The following FECH variants were observed in gnomAD, a reference collection of about 807,000 sequenced individuals.
FECH encodes the protein ferrochelatase, mitochondrial.
A neutral mutation model predicts 56.9 loss-of-function variants in FECH; 40 were observed. That is an observed-to-expected ratio of 0.70 (90% confidence interval 0.55 to 0.92). FECH has a LOEUF of 0.92. FECH is among the 40% of genes least tolerant of loss of function. FECH has a pLI of 0.00. For synonymous variants in FECH, 175 were observed against 198.6 expected, an observed-to-expected ratio of 0.88 and a Z score of 1.00; for missense variants, 431 against 529.1, an observed-to-expected ratio of 0.81 and a Z score of 1.82.
chr18:57,550,618 C>G lies in FECH; in HGVS notation c.*94G>C. The G allele has an allele frequency of 5.9e-6, 9 of 1,532,088 alleles. No homozygotes were observed. The highest frequency in any genetic ancestry group is 8.1e-6 in the Non-Finnish European group (9 of 1,112,680). The allele number at this position is 1,532,088 out of a possible 1,614,324, so 94.9% of individuals were successfully genotyped here. A position where few individuals can be genotyped will look rare whatever the true frequency, so the allele number is the denominator to read the frequency against. ...CTGTATATATATCAAGGAAGGATGA[C>G]TTCCTTCCTTGATCTCTAAATAACA... is the stretch of plus-strand genomic sequence containing the variant. On this transcript the variant is annotated 3_prime_UTR_variant, in exon 11 of 11. Coordinates refer to ENST00000262093, the MANE Select transcript of FECH (RefSeq NM_000140.5).
intron 9 of FECH, among the ~76,000 whole-genome samples, chr18:57,553,630 G>T (rs1236636165): frequency 2.0e-5 from 3 of 152,176 alleles, no homozygotes; most frequent in African/African-American, 7.2e-5. Flanking sequence ...TCTCCTCCCT[G>T]AATGACAATT....
chr18:57,551,565 T>C (rs958026730), intron 9 of FECH, among the ~76,000 whole-genome samples, 191 bp from the exon 10 acceptor site: 1 of 152,260 alleles, frequency 6.6e-6, no homozygotes, highest in Non-Finnish European at 1.5e-5. Flanking sequence ...GATTCTGTTA[T>C]CATAAATTAT....
rs1456645916 is a variant in FECH at position 57,544,591 on chromosome 18, G to A, written c.*6121C>T. Among the ~76,000 whole-genome samples the A allele has an allele frequency of 6.6e-6, 1 of 152,144 alleles. No homozygotes were observed. The highest frequency in any genetic ancestry group is 1.5e-5 in the Non-Finnish European group (1 of 68,032). ...TCAACAAGTATAGTTCACACATATC[G>A]ACATTTTGTTTACATTCATGAGCAA... On this transcript the variant is annotated 3_prime_UTR_variant, in exon 11 of 11. Transcript: ENST00000262093.
intron 1 of FECH, among the ~76,000 whole-genome samples, chr18:57,586,181 C>A (rs1408251799): frequency 6.6e-6 from 1 of 152,216 alleles, no homozygotes; most frequent in East Asian, 1.9e-4. Context: ...GATGAAGATG[C>A]CTTCCTTACT....
At chr18:57,551,122 G>T in intron 10 of FECH, 193 bp downstream of exon 10, 1 of 641,270 alleles carries the variant, frequency 1.6e-6, no homozygotes, top group Non-Finnish European at 2.7e-6. Flanking sequence ...ATAGTTATAG[G>T]TGGGTAGAAA....
At chr18:57,571,614 A>C in intron 3 of FECH, 74 bp from the exon 4 acceptor site, 1 of 1,610,068 alleles carries the variant, frequency 6.2e-7, no homozygotes, top group Non-Finnish European at 8.5e-7. Context: ...CTACTCAATA[A>C]AAAAGAAAAA....
At chr18:57,554,723 G>T in intron 8 of FECH, 122 bp downstream of exon 8, 1 of 824,624 alleles carries the variant, frequency 1.2e-6, no homozygotes, top group Non-Finnish European at 2.1e-6. Flanking sequence ...TCTGCCCATG[G>T]TGAGCAATCA....
At chr18:57,583,715 C>T (rs537903902) in intron 1 of FECH, among the ~76,000 whole-genome samples, 1 of 152,318 alleles carries the variant, frequency 6.6e-6, no homozygotes, top group East Asian at 1.9e-4. Flanking sequence ...AATTCCAGCA[C>T]TTTGGGAGGC....
At chr18:57,582,911 C>CAA (rs1219189568) in intron 1 of FECH, among the ~76,000 whole-genome samples, 1 of 133,428 alleles carries the variant, frequency 7.5e-6, no homozygotes, top group African/African-American at 2.8e-5. Context: ...GACTCCATCT[C>CAA]AAAAAAAAAA....
At chr18:57,573,603 C>T (rs1016777019) in intron 2 of FECH, among the ~76,000 whole-genome samples, 1 of 152,198 alleles carries the variant, frequency 6.6e-6, no homozygotes, top group Non-Finnish European at 1.5e-5. Context: ...AGTCTTCACT[C>T]CGCTAGAAAT....
In FECH at chr18:57,580,084, T is replaced by G; in HGVS notation, c.183A>C (p.Gln61His). 6 of 1,614,126 alleles carry G rather than the reference T, an allele frequency of 3.7e-6. No individual in the cohort carries two copies. The highest frequency in any genetic ancestry group is 5.1e-6 in the Non-Finnish European group (6 of 1,180,036). The change falls in exon 2 of 11, where the codon CAA becomes CAC. Residue 61 changes from glutamine to histidine, a missense_variant. Physicochemically the swap from Gln to His is conservative, Grantham distance 24. Transcript: ENST00000262093. ...TGTTAGACTCATACCTCTTCTGCGG[T>G]TGAACTTGAGGTTTTGCACCCTGGG... ...QHAQGAKPQV[Q>H]PQKRKPKTGI...
rs751670563 is a variant in FECH, at chr18:57,586,546, C to A, written c.67+8G>T. ...GGCCCTGGCGGCCGCCGCGACAGACCCACTTACGCGGATCGCGGAGCAGGA... is the reference window on the plus strand; with the variant it reads ...GGCCCTGGCGGCCGCCGCGACAGACACACTTACGCGGATCGCGGAGCAGGA... On this transcript the variant is annotated splice_region_variant and intron_variant, in intron 1 of 10. Coordinates refer to ENST00000262093, the MANE Select transcript of FECH (RefSeq NM_000140.5). 60 of 1,520,694 alleles carry A rather than the reference C, an allele frequency of 3.9e-5. No homozygotes were observed. The highest frequency in any genetic ancestry group is 5.2e-5 in the Non-Finnish European group (59 of 1,140,608). The allele number at this position is 1,520,694 out of a possible 1,614,324, so 94.2% of individuals were successfully genotyped here. A position where few individuals can be genotyped will look rare whatever the true frequency, so the allele number is the denominator to read the frequency against.
chr18:57,544,457 C>T lies in FECH; in HGVS notation c.*6255G>A, dbSNP rs1053736792. ...ACAATTTACAAATAATAATAAAATA[C>T]ACAATACACTTTCCTACAAATTCCA... On this transcript the variant is annotated 3_prime_UTR_variant, in exon 11 of 11. Coordinates refer to ENST00000262093, the MANE Select transcript of FECH (RefSeq NM_000140.5). Among the ~76,000 whole-genome samples, 1 of 152,172 alleles carries T rather than the reference C, an allele frequency of 6.6e-6. No homozygotes were observed. The highest frequency in any genetic ancestry group is 2.4e-5 in the African/African-American group (1 of 41,450).
chr18:57,570,532 C>T (rs1279992733), intron 4 of FECH, among the ~76,000 whole-genome samples: 2 of 152,224 alleles, frequency 1.3e-5, no homozygotes, highest in African/African-American at 4.8e-5. Flanking sequence ...CCTAGTGGAG[C>T]TGTTCTCCCT....
intron 10 of FECH, 112 bp from the exon 11 acceptor site, chr18:57,550,958 T>A (rs1236469948): frequency 1.3e-5 from 19 of 1,423,102 alleles, no homozygotes; most frequent in African/African-American, 4.2e-5. Context: ...TTTCTTTTCA[T>A]CCGAGTGGTG....
intron 1 of FECH, among the ~76,000 whole-genome samples, chr18:57,581,712 G>C (rs2051280450): frequency 6.6e-6 from 1 of 152,196 alleles, no homozygotes; most frequent in African/African-American, 2.4e-5. Flanking sequence ...AAGGAGTAGA[G>C]CAGAGGAGTG....
intron 5 of FECH, among the ~76,000 whole-genome samples, chr18:57,563,633 G>A (rs2050977335): frequency 1.4e-5 from 2 of 143,940 alleles, no homozygotes; most frequent in African/African-American, 2.6e-5. Context: ...AGTTACAAAG[G>A]TTATCAATCC....
rs889626551 is a variant in FECH, at chr18:57,545,351, G to C, written c.*5361C>G. Among the ~76,000 whole-genome samples, 1 of 152,198 alleles carries C rather than the reference G, an allele frequency of 6.6e-6. No homozygotes were observed. The highest frequency in any genetic ancestry group is 2.4e-5 in the African/African-American group (1 of 41,428). ...CTAAAAATGGAAGCTAATGATTCCA[G>C]CTAAAAACAACGAAGCCGGTACTAT... On this transcript the variant is annotated 3_prime_UTR_variant, in exon 11 of 11. Transcript: ENST00000262093.
intron 6 of FECH, 91 bp from the exon 7 acceptor site, chr18:57,559,334 A>C (rs2050910973): frequency 1.1e-6 from 1 of 923,784 alleles, no homozygotes; most frequent in African/African-American, 1.7e-5. Flanking sequence ...GCCTACACCA[A>C]AAATCTCAGA....
Sources: allele counts gnomAD v4.1 joint callset (sites outside exome capture counted in the v4.1 genomes callset), GRCh38; gene constraint gnomAD v4.1.1; transcripts MANE v1.5; gene names NCBI Gene and HGNC (gene_info 2026-07-23, HGNC 2026-07-21).